The following TSPAN15 variants were observed in gnomAD, a reference collection of about 807,000 sequenced individuals.
TSPAN15 encodes tetraspanin-15.
TSPAN15 carries 20 observed loss-of-function variants against 34.5 expected under a neutral mutation model. That is an observed-to-expected ratio of 0.58 (90% CI 0.41 to 0.84). The LOEUF (loss-of-function observed/expected upper bound fraction) is 0.84, where lower values mean the gene tolerates loss of function less well. Among genes scored for constraint, TSPAN15 ranks in the 40% least tolerant of loss-of-function variants. The pLI is 0.00. For synonymous variants in TSPAN15, 155 were observed against 153.9 expected, an observed-to-expected ratio of 1.01 and a Z score of -0.05; for missense variants, 313 against 386.1, an observed-to-expected ratio of 0.81 and a Z score of 1.59.
At position 69,468,146 on chromosome 10, in the gene TSPAN15, G is replaced by T. The variant is rs368841228; in HGVS notation, c.97-15545G>T. Among the ~76,000 whole-genome samples the T allele has an allele frequency of 6.0e-3, 893 of 149,802 alleles. 7 individuals are homozygous for T. Among genetic ancestry groups the T allele is most frequent in the African/African-American group, 0.021 (842 of 40,278 alleles). On this transcript the variant is annotated intron_variant, in intron 1 of 7. Transcript: ENST00000373290. ...CCTCCCCCACGTTCTCATTAGGAGA[G>T]CTGATCGGTGTCTGGAAGCCAGACC...
downstream of TSPAN15, among the ~76,000 whole-genome samples, chr10:69,509,771 G>C (rs907763545): frequency 6.6e-6 from 1 of 152,156 alleles, no homozygotes; most frequent in Non-Finnish European, 1.5e-5. Flanking sequence ...TAAGGTGTAA[G>C]GAAGGGGTCC....
At chr10:69,472,227 C>T (rs1196673478) in intron 1 of TSPAN15, among the ~76,000 whole-genome samples, 3 of 152,162 alleles carry the variant, frequency 2.0e-5, no homozygotes, top group Non-Finnish European at 4.4e-5. Context: ...TCCAGCTCTG[C>T]TGACCTGACC....
intron 5 of TSPAN15, among the ~76,000 whole-genome samples, chr10:69,503,891 GGA>G (rs1189978851): frequency 6.6e-6 from 1 of 152,142 alleles, no homozygotes; most frequent in Non-Finnish European, 1.5e-5. Flanking sequence ...TCAGTAGTCG[GGA>G]GTTCTGGAGA....
chr10:69,488,605 G>T (rs928698404), intron 3 of TSPAN15, among the ~76,000 whole-genome samples: 7 of 152,208 alleles, frequency 4.6e-5, no homozygotes, highest in African/African-American at 1.7e-4. Flanking sequence ...AGTACAAAGA[G>T]AGGAATTTTA....
At chr10:69,491,928 CTCAT>C (rs776638751) in intron 3 of TSPAN15, among the ~76,000 whole-genome samples, 2 of 152,196 alleles carry the variant, frequency 1.3e-5, no homozygotes, top group Non-Finnish European at 2.9e-5. Flanking sequence ...CCTTCAGTTC[CTCAT>C]TCATTTAAAA....
the TSPAN15 span, among the ~76,000 whole-genome samples, chr10:69,524,811 G>T: frequency 7.1e-6 from 1 of 140,520 alleles, no homozygotes; most frequent in African/African-American, 2.6e-5. Context: ...ACGAAGTCTC[G>T]CTCTTGTCAC....
At chr10:69,527,013 A>T in the TSPAN15 span, among the ~76,000 whole-genome samples, 9 of 147,812 alleles carry the variant, frequency 6.1e-5, no homozygotes, top group Non-Finnish European at 1.5e-5. Context: ...TCACAGAAAA[A>T]TTTGTACACA....
At chr10:69,509,340 A>G (rs954983254), downstream of TSPAN15, among the ~76,000 whole-genome samples, 2 of 151,916 alleles carry the variant, frequency 1.3e-5, no homozygotes, top group East Asian at 3.9e-4. Flanking sequence ...AACCTTGGTC[A>G]CTCACCTCTA....
chr10:69,532,813 G>A, the TSPAN15 span, among the ~76,000 whole-genome samples: 1 of 152,062 alleles, frequency 6.6e-6, no homozygotes, highest in African/African-American at 2.4e-5. Flanking sequence ...AATCTACAAT[G>A]AACTCAAACA....
At chr10:69,485,084 T>A in intron 2 of TSPAN15, 57 bp from the exon 3 acceptor site, 1 of 1,534,982 alleles carries the variant, frequency 6.5e-7, no homozygotes, top group South Asian at 1.1e-5. Flanking sequence ...GCCTCCCCTG[T>A]ACCCCACACA....
the TSPAN15 span, among the ~76,000 whole-genome samples, chr10:69,517,309 T>C: frequency 1.3e-5 from 2 of 152,160 alleles, no homozygotes; most frequent in African/African-American, 2.4e-5. Flanking sequence ...CCACATCAAC[T>C]TGAGAAGCTA....
intron 1 of TSPAN15, among the ~76,000 whole-genome samples, chr10:69,462,039 G>A (rs56346596): frequency 0.4 from 60,196 of 150,920 alleles, 12,453 homozygotes; most frequent in Non-Finnish European, 0.45. Context: ...CAGAGCAAGT[G>A]GTCCAATCAT....
chr10:69,494,473 G>T (rs1381149173), intron 3 of TSPAN15: 1 of 179,916 alleles, frequency 5.6e-6, no homozygotes, highest in Non-Finnish European at 1.1e-5. Flanking sequence ...AGCAAACAGA[G>T]GCTCAGAAGT....
At chr10:69,547,702 C>T in the TSPAN15 span, among the ~76,000 whole-genome samples, 161 of 152,250 alleles carry the variant, frequency 1.1e-3, no homozygotes, top group Non-Finnish European at 2.0e-3. Context: ...TTTATTGGTT[C>T]ACATAAGCAG....
chr10:69,522,222 T>C, the TSPAN15 span, among the ~76,000 whole-genome samples: 1 of 144,506 alleles, frequency 6.9e-6, no homozygotes, highest in African/African-American at 2.5e-5. Context: ...ATTAGCTGGG[T>C]GTGGTGGCAA....
chr10:69,462,199 C>T (rs1279473884), intron 1 of TSPAN15, among the ~76,000 whole-genome samples: 2 of 130,592 alleles, frequency 1.5e-5, no homozygotes, highest in Admixed American at 1.8e-4. Flanking sequence ...TAGTGTCTCA[C>T]CATGTTGCCC....
chr10:69,542,791 T>C, the TSPAN15 span, among the ~76,000 whole-genome samples: 1 of 152,178 alleles, frequency 6.6e-6, no homozygotes, highest in Non-Finnish European at 1.5e-5. Context: ...TCCTATGTCA[T>C]GTGAGGATTA....
At chr10:69,530,810 CTCTCTCTCTCTATATATATATATA>C in the TSPAN15 span, among the ~76,000 whole-genome samples, 216 of 68,614 alleles carry the variant, frequency 3.1e-3, 4 homozygotes, top group Middle Eastern at 0.013. Flanking sequence ...CTCTCTCTCT[CTCTCTCTCTCTATATATATATATA>C]TATATATATA....
intron 3 of TSPAN15, 67 bp downstream of exon 3, chr10:69,485,282 A>T: frequency 7.2e-7 from 1 of 1,394,316 alleles, no homozygotes; most frequent in South Asian, 1.2e-5. Flanking sequence ...CCTTGGGCTA[A>T]CTGGGGGTAT....
Sources: allele counts gnomAD v4.1 joint callset (sites outside exome capture counted in the v4.1 genomes callset), GRCh38; gene constraint gnomAD v4.1.1; transcripts MANE v1.5; gene names NCBI Gene and HGNC (gene_info 2026-07-23, HGNC 2026-07-21).